The following TBC1D24 variants were observed in gnomAD, a reference collection of about 807,000 sequenced individuals.
TBC1D24 encodes the protein Infantile myoclonic epilepsy.
Under a neutral mutation model 50.7 loss-of-function variants are expected in TBC1D24, and 47 were observed. That is an observed-to-expected ratio of 0.93 (90% CI 0.73 to 1.18). The LOEUF is 1.18. Among genes scored for constraint, TBC1D24 ranks in the 50% most tolerant of loss-of-function variants. The probability of loss-of-function intolerance (pLI) is 0.00; values close to 1 mark genes in which losing one functional copy is unlikely to be tolerated. For synonymous variants in TBC1D24, 324 were observed against 335.2 expected (o/e 0.97, Z 0.36); for missense variants, 688 against 766.5 (o/e 0.90, Z 1.21).
At chr16:2,488,745 C>G (rs1180940956) in intron 1 of TBC1D24, among the ~76,000 whole-genome samples, 5 of 147,682 alleles carry the variant, frequency 3.4e-5, no homozygotes, top group African/African-American at 1.2e-4. Flanking sequence ...GCCACCGCAC[C>G]TGGCTGCTTT....
intron 1 of TBC1D24, among the ~76,000 whole-genome samples, chr16:2,491,555 A>AT (rs34967659): frequency 0.059 from 7,867 of 134,406 alleles, 279 homozygotes; most frequent in South Asian, 0.094. Flanking sequence ...CGCCTGGCTA[A>AT]TTTTTTTTTT....
chr16:2,501,054 T>G lies in TBC1D24; in HGVS notation c.*96T>G, dbSNP rs2065790161. ...GAGAGCAGATGAAACCCCCATGTGG[T>G]AGGCAGGGTTGGGGGACGGCAGGAC... On this transcript the variant is annotated 3_prime_UTR_variant, in exon 8 of 8. Coordinates refer to ENST00000646147, the MANE Select transcript of TBC1D24 (RefSeq NM_001199107.2). 1 of 1,512,624 alleles carries G rather than the reference T, an allele frequency of 6.6e-7. No homozygotes were observed. Among genetic ancestry groups the G allele is most frequent in the Non-Finnish European group, 9.0e-7 (1 of 1,115,134 alleles). 93.7% of individuals were successfully genotyped at this position (1,512,624 alleles called of 1,614,324 possible). A position where few individuals can be genotyped will look rare whatever the true frequency, so the allele number is the denominator to read the frequency against.
At position 2,501,088 on chromosome 16, in the gene TBC1D24, C is replaced by A; in HGVS notation, c.*130C>A. The A allele has an allele frequency of 7.9e-7, 1 of 1,266,630 alleles. No individual in the cohort carries two copies. The highest frequency in any genetic ancestry group is 1.1e-6 in the Non-Finnish European group (1 of 917,550). The allele number at this position is 1,266,630 out of a possible 1,614,324, so 78.5% of individuals were successfully genotyped here. The stretch of plus-strand genomic sequence containing the variant: ...TTGGGGGACGGCAGGACCCCATGGC[C>A]AAGCCTGGCGTTGCCTGGACCTGCT... On this transcript the variant is annotated 3_prime_UTR_variant, in exon 8 of 8. Coordinates refer to ENST00000646147, the MANE Select transcript of TBC1D24 (RefSeq NM_001199107.2).
At chr16:2,484,862 G>A (rs909450993) in intron 1 of TBC1D24, 5 of 152,326 alleles carry the variant, frequency 3.3e-5, no homozygotes, top group East Asian at 1.9e-4. Context: ...CAGCACGTAG[G>A]TGGGAGGCCT....
At chr16:2,491,555 A>ATT (rs34967659) in intron 1 of TBC1D24, among the ~76,000 whole-genome samples, 8 of 134,410 alleles carry the variant, frequency 6.0e-5, no homozygotes, top group African/African-American at 8.2e-5. Flanking sequence ...CGCCTGGCTA[A>ATT]TTTTTTTTTT....
At chr16:2,497,642 T>A in intron 2 of TBC1D24, 68 bp from the exon 3 acceptor site, 1 of 1,480,294 alleles carries the variant, frequency 6.8e-7, no homozygotes, top group Non-Finnish European at 9.1e-7. Context: ...GGATCGGTAC[T>A]CACACTAACC....
At position 2,485,804 on chromosome 16, in the gene TBC1D24, G is replaced by A. The variant is rs2065644904; in HGVS notation, c.-115-10230G>A. On this transcript the variant is annotated intron_variant, in intron 1 of 7. Coordinates refer to ENST00000646147, the MANE Select transcript of TBC1D24 (RefSeq NM_001199107.2). The surrounding 1 kb of genome is among the most constrained non-coding windows in gnomAD (Gnocchi z 4.6). ...GGGTCGCAGATCCTGTGCCGATTGC[G>A]GTGCTGGCGTCAGAGCAGAGGAAAA... 6.6e-6 allele frequency among the ~76,000 whole-genome samples: 1 copy of A among 152,192 alleles called. No individual in the cohort carries two copies. The highest frequency in any genetic ancestry group is 1.5e-5 in the Non-Finnish European group (1 of 68,032).
rs1218673814 is a variant in TBC1D24, at chr16:2,500,363, A to T, written c.1398A>T (p.Pro466=). Reference sequence around the variant, plus strand: ...TGATGGCTGCCGAGCCCACCGCCCCACTCAGCCACTCCGCCTCCTCAGACC... The same window carrying T: ...TGATGGCTGCCGAGCCCACCGCCCCTCTCAGCCACTCCGCCTCCTCAGACC... The part of the protein sequence containing the change: ...PPLMAAEPTA[P]LSHSASSDPA... Residue 466 remains proline (P), a synonymous_variant, in exon 7 of 8, where the codon CCA becomes CCT. Coordinates refer to ENST00000646147, the MANE Select transcript of TBC1D24 (RefSeq NM_001199107.2). The surrounding 1 kb of genome is among the most constrained non-coding windows in gnomAD (Gnocchi z 8.0). The T allele has an allele frequency of 6.2e-7, 1 of 1,608,194 alleles. No individual in the cohort carries two copies. The highest frequency in any genetic ancestry group is 1.3e-5 in the African/African-American group (1 of 74,686).
At chr16:2,491,727 T>C (rs2065696817) in intron 1 of TBC1D24, among the ~76,000 whole-genome samples, 1 of 152,138 alleles carries the variant, frequency 6.6e-6, no homozygotes, top group Non-Finnish European at 1.5e-5. Context: ...GCTAATTTTT[T>C]GTATTTTTAG....
At position 2,499,229 on chromosome 16, in the gene TBC1D24, C is replaced by T. The variant is rs532167167; in HGVS notation, c.1143-128C>T. The T allele has an allele frequency of 5.2e-5, 43 of 834,210 alleles. No homozygotes were observed. Among genetic ancestry groups the T allele is most frequent in the Middle Eastern group, 2.3e-4 (1 of 4,372 alleles). The allele number at this position is 834,210 out of a possible 1,614,324, so 51.7% of individuals were successfully genotyped here. On this transcript the variant is annotated intron_variant, in intron 4 of 7. Coordinates refer to ENST00000646147, the MANE Select transcript of TBC1D24 (RefSeq NM_001199107.2). The surrounding 1 kb of genome is among the most constrained non-coding windows in gnomAD (Gnocchi z 4.0). The stretch of plus-strand genomic sequence containing the variant: ...AAGAACACCTGGGTGAGGGTGTTGT[C>T]GGGACCCAGAGAGAAGGAAGCACAG...
chr16:2,476,659 T>C (rs1490910588), intron 1 of TBC1D24: 1 of 152,284 alleles, frequency 6.6e-6, no homozygotes, highest in Non-Finnish European at 1.5e-5. Context: ...CCCCACAGCC[T>C]GGCCAGGGCC....
At position 2,486,995 on chromosome 16, in the gene TBC1D24, A is replaced by G. The variant is rs2065655649; in HGVS notation, c.-115-9039A>G. ...TCCCAACCCTTCCTCCTCCAGGGCC[A>G]CCAGGGGGATTTTTGTAAACGCAGA... On this transcript the variant is annotated intron_variant, in intron 1 of 7. Coordinates refer to ENST00000646147, the MANE Select transcript of TBC1D24 (RefSeq NM_001199107.2). The surrounding 1 kb of genome is among the most constrained non-coding windows in gnomAD (Gnocchi z 5.8). 6.6e-6 allele frequency among the ~76,000 whole-genome samples: 1 copy of G among 152,046 alleles called. No individual in the cohort carries two copies. The highest frequency in any genetic ancestry group is 2.1e-4 in the South Asian group (1 of 4,826).
At position 2,496,433 on chromosome 16, in the gene TBC1D24, C is replaced by T. The variant is rs774354974; in HGVS notation, c.285C>T (p.Phe95=). 1.5e-5 allele frequency: 24 copies of T among 1,612,688 alleles called. No homozygotes were observed. The highest frequency in any genetic ancestry group is 1.6e-4 in the Middle Eastern group (1 of 6,084). The change falls in exon 2 of 8, where the codon TTC becomes TTT. Residue 95 remains phenylalanine, a synonymous_variant. Transcript: ENST00000646147. ...HSSSCLPLPE[F]VDNTQVPSYC... ...GCAGCTGCCTGCCGCTGCCCGAGTT[C>T]GTGGACAACACGCAGGTGCCCAGCT...
chr16:2,497,637 G>A (rs940618503), intron 2 of TBC1D24, 73 bp from the exon 3 acceptor site: 25 of 1,436,750 alleles, frequency 1.7e-5, no homozygotes, highest in South Asian at 2.4e-5. Flanking sequence ...TCGGGGGATC[G>A]GTACTCACAC....
At position 2,485,692 on chromosome 16, in the gene TBC1D24, C is replaced by CG. The variant is rs1417328643; in HGVS notation, c.-115-10340dup. On this transcript the variant is annotated intron_variant, in intron 1 of 7. Coordinates refer to ENST00000646147, the MANE Select transcript of TBC1D24 (RefSeq NM_001199107.2). This position sits in a 1 kb window ranked among gnomAD's most constrained non-coding sequence, Gnocchi z 4.6. ...GAGCTATCTCCAGGTAGATGTCTCC[C>CG]GGTGTCGGGATTGAATTGGAGGACA... Among the ~76,000 whole-genome samples the CG allele has an allele frequency of 2.0e-5, 3 of 152,156 alleles. No individual in the cohort carries two copies. The highest frequency in any genetic ancestry group is 4.4e-5 in the Non-Finnish European group (3 of 68,020).
At position 2,499,741 on chromosome 16, in the gene TBC1D24, C is replaced by G; in HGVS notation, c.1207-94C>G. 1 of 1,121,158 alleles carries G rather than the reference C, an allele frequency of 8.9e-7. No homozygotes were observed. The highest frequency in any genetic ancestry group is 1.2e-5 in the South Asian group (1 of 80,980). The allele number at this position is 1,121,158 out of a possible 1,614,324, so 69.5% of individuals were successfully genotyped here. Reference sequence around the variant, plus strand: ...TGGGAGACGGCAATGCCTGCACCCCCACCTGTGACCTGGGACAGGCCCGTC... The same window carrying G: ...TGGGAGACGGCAATGCCTGCACCCCGACCTGTGACCTGGGACAGGCCCGTC... On this transcript the variant is annotated intron_variant, in intron 5 of 7. Coordinates refer to ENST00000646147, the MANE Select transcript of TBC1D24 (RefSeq NM_001199107.2). The surrounding 1 kb of genome is among the most constrained non-coding windows in gnomAD (Gnocchi z 4.0).
rs1354706850 is a variant in TBC1D24, at chr16:2,483,412, A to C, written c.-116+8242A>C. ...TGGCGGGCGGGAGTTGGGGCTTGGC[A>C]AGACGGTCCAGGCTGAGCTGGCAAG... On this transcript the variant is annotated intron_variant, in intron 1 of 7. Transcript: ENST00000646147. The surrounding 1 kb of genome is among the most constrained non-coding windows in gnomAD (Gnocchi z 4.0). The C allele has an allele frequency of 6.6e-6, 1 of 152,344 alleles. No individual in the cohort carries two copies. Among genetic ancestry groups the C allele is most frequent in the Non-Finnish European group, 1.5e-5 (1 of 68,176 alleles). The allele number at this position is 152,344 out of a possible 1,614,324, so 9.4% of individuals were successfully genotyped here.
intron 1 of TBC1D24, among the ~76,000 whole-genome samples, chr16:2,488,471 C>T (rs968001190): frequency 2.1e-5 from 3 of 143,020 alleles, no homozygotes; most frequent in Admixed American, 1.4e-4. Context: ...ATCGCTTATA[C>T]TCATTACTCA....
chr16:2,492,281 G>T (rs1386975322), intron 1 of TBC1D24, among the ~76,000 whole-genome samples: 2 of 152,132 alleles, frequency 1.3e-5, no homozygotes, highest in Non-Finnish European at 2.9e-5. Context: ...ACACATCCTT[G>T]GCTCGGGGGT....
Sources: allele counts gnomAD v4.1 joint callset (sites outside exome capture counted in the v4.1 genomes callset), GRCh38; gene constraint gnomAD v4.1.1; non-coding constraint Gnocchi (gnomAD v3.1); transcripts MANE v1.5; gene names NCBI Gene and HGNC (gene_info 2026-07-23, HGNC 2026-07-21).